The following GNPDA2 variants were observed in gnomAD, a reference collection of about 807,000 sequenced individuals.
The protein encoded by GNPDA2 is glucosamine-6-phosphate deaminase 2, also known as glcN6P deaminase 2.
A neutral mutation model predicts 27.0 loss-of-function variants in GNPDA2; 24 were observed. That is an observed-to-expected ratio of 0.89 (90% CI 0.64 to 1.25). The LOEUF (loss-of-function observed/expected upper bound fraction) is 1.25. Among genes scored for constraint, GNPDA2 ranks in the 50% most tolerant of loss-of-function variants. GNPDA2 has a pLI of 0.00. For synonymous variants in GNPDA2, 94 were observed against 108.4 expected (o/e 0.87, Z 0.83); for missense variants, 286 against 335.1 (o/e 0.85, Z 1.14).
chr4:44,723,176 A>G (rs985008334), intron 1 of GNPDA2, among the ~76,000 whole-genome samples: 1 of 152,206 alleles, frequency 6.6e-6, no homozygotes, highest in African/African-American at 2.4e-5. Flanking sequence ...GACTTATACC[A>G]TGAAAGATGT....
At chr4:44,710,835 A>G (rs1237647594) in intron 5 of GNPDA2, 118 bp downstream of exon 5, 7 of 868,862 alleles carry the variant, frequency 8.1e-6, no homozygotes, top group African/African-American at 1.8e-5. Flanking sequence ...AAACTAGAAA[A>G]CAATTTATAC....
rs199631133 is a variant in GNPDA2, at chr4:44,711,211, C to CA, written c.410-75dup. 1.3e-3 allele frequency: 1,068 copies of CA among 854,226 alleles called. 1 individual carries two copies. The highest frequency in any genetic ancestry group is 5.3e-3 in the African/African-American group (287 of 54,412). The allele number at this position is 854,226 out of a possible 1,614,324, so 52.9% of individuals were successfully genotyped here. On this transcript the variant is annotated intron_variant, in intron 4 of 6. Transcript: ENST00000295448. ...ACAAAGTTCAATGTGCGTTAAAGAA[C>CA]AAAAAAAAAATCACCTTGTTTTATT...
intron 2 of GNPDA2, among the ~76,000 whole-genome samples, chr4:44,721,090 G>C (rs757815666): frequency 1.3e-5 from 2 of 151,148 alleles, no homozygotes; most frequent in South Asian, 4.2e-4. Context: ...TTCTCACCAA[G>C]ATCTACTGCC....
intron 6 of GNPDA2, chr4:44,705,239 CAATG>C (rs1716518355): frequency 2.0e-6 from 2 of 980,498 alleles, no homozygotes; most frequent in African/African-American, 3.5e-5. Flanking sequence ...ACTAGTAACT[CAATG>C]GAGGTATGAA....
chr4:44,720,655 G>A (rs1006059798), intron 2 of GNPDA2, among the ~76,000 whole-genome samples: 11 of 152,046 alleles, frequency 7.2e-5, no homozygotes, highest in Admixed American at 3.3e-4. Flanking sequence ...AGCAATTACC[G>A]ACATGTATGT....
chr4:44,704,804 G>A, intron 6 of GNPDA2: 1 of 982,628 alleles, frequency 1.0e-6, no homozygotes, highest in Non-Finnish European at 1.2e-6. Context: ...GACTCAAAAT[G>A]AACTCATTCT....
chr4:44,711,115 G>A lies in GNPDA2; in HGVS notation c.432C>T (p.Ile144=), dbSNP rs760459113. The part of the protein sequence containing the change: ...FVGGIGPDGH[I]AFNEPGSSLV... ...AACTGGATCCAGGCTCATTGAAAGC[G>A]ATATGACCATCTGGACCAATTCCTT... The change falls in exon 5 of 7, where the codon ATC becomes ATT. Residue 144 remains isoleucine, a synonymous_variant. Transcript: ENST00000295448. 1.2e-5 allele frequency: 19 copies of A among 1,602,128 alleles called. No homozygotes were observed. Among genetic ancestry groups the A allele is most frequent in the East Asian group, 2.3e-5 (1 of 44,200 alleles).
At position 44,726,462 on chromosome 4, in the gene GNPDA2, C is replaced by G. The variant is rs145396969; in HGVS notation, c.-36+12G>C. The G allele has an allele frequency of 2.0e-5, 3 of 152,492 alleles. No homozygotes were observed. Among genetic ancestry groups the G allele is most frequent in the South Asian group, 2.1e-4 (1 of 4,834 alleles). 9.4% of individuals were successfully genotyped at this position (152,492 alleles called of 1,614,324 possible). A position where few individuals can be genotyped will look rare whatever the true frequency, so the allele number is the denominator to read the frequency against. Reference sequence around the variant, plus strand: ...TTCTTGGCGCCCCCGCCGCACCCCCCGCTAAACTTACCGGCAGACCCAATG... The same window carrying G: ...TTCTTGGCGCCCCCGCCGCACCCCCGGCTAAACTTACCGGCAGACCCAATG... On this transcript the variant is annotated intron_variant, in intron 1 of 6. Coordinates refer to ENST00000295448, the MANE Select transcript of GNPDA2 (RefSeq NM_138335.3).
intron 2 of GNPDA2, among the ~76,000 whole-genome samples, chr4:44,720,821 A>G (rs1184537290): frequency 6.6e-6 from 1 of 152,170 alleles, no homozygotes; most frequent in Non-Finnish European, 1.5e-5. Context: ...CAAACGTTGT[A>G]GATCTAAATA....
At chr4:44,720,129 A>G (rs1455986213) in intron 2 of GNPDA2, among the ~76,000 whole-genome samples, 1 of 152,140 alleles carries the variant, frequency 6.6e-6, no homozygotes, top group Non-Finnish European at 1.5e-5. Context: ...CAGAGCAGAG[A>G]AAAGATGGAG....
intron 4 of GNPDA2, among the ~76,000 whole-genome samples, chr4:44,713,708 C>T (rs1717108873): frequency 6.6e-6 from 1 of 152,052 alleles, no homozygotes; most frequent in Non-Finnish European, 1.5e-5. Context: ...GGCAAAACCC[C>T]ATCTCCACTA....
rs897526794 is a variant in GNPDA2, at chr4:44,711,826, T to C, written c.410-689A>G. Among the ~76,000 whole-genome samples, 711 of 118,256 alleles carry C rather than the reference T, an allele frequency of 6.0e-3. 5 individuals are homozygous for C. Among genetic ancestry groups the C allele is most frequent in the Non-Finnish European group, 9.3e-3 (459 of 49,500 alleles). The allele number at this position is 118,256 out of a possible 152,430, so 77.6% of individuals were successfully genotyped here. A position where few individuals can be genotyped will look rare whatever the true frequency, so the allele number is the denominator to read the frequency against. On this transcript the variant is annotated intron_variant, in intron 4 of 6. Transcript: ENST00000295448. ...GCAATCTAGTATATATATATATATATATACACATATACAACACAAACATAT... is the reference window on the plus strand; with the variant it reads ...GCAATCTAGTATATATATATATATACATACACATATACAACACAAACATAT...
intron 4 of GNPDA2, among the ~76,000 whole-genome samples, chr4:44,716,209 C>G (rs1717272061): frequency 6.6e-6 from 1 of 151,926 alleles, no homozygotes; most frequent in Admixed American, 6.6e-5. Context: ...CAATGATAAT[C>G]AACTATCTCA....
chr4:44,707,780 T>G lies in GNPDA2; in HGVS notation c.741A>C (p.Leu247Phe). 1 of 1,613,214 alleles carries G rather than the reference T, an allele frequency of 6.2e-7. No individual in the cohort carries two copies. Among genetic ancestry groups the G allele is most frequent in the Non-Finnish European group, 8.5e-7 (1 of 1,179,574 alleles). ...FVCDEDATLE[L>F]RVKTVKYFKG... ...TAAAGTATTTCACAGTTTTAACTCT[T>G]AATTCTAAAGTAGCATCTTCATCGC... is the stretch of plus-strand genomic sequence containing the variant. The change falls in exon 6 of 7, where the codon TTA becomes TTC. Residue 247 changes from leucine (L) to phenylalanine (F), a missense_variant. By Grantham distance (22) the Leu-to-Phe change is conservative. Coordinates refer to ENST00000295448, the MANE Select transcript of GNPDA2 (RefSeq NM_138335.3).
rs564474770 is a variant in GNPDA2, at chr4:44,712,254, T to A, written c.410-1117A>T. 2.0e-5 allele frequency among the ~76,000 whole-genome samples: 3 copies of A among 152,244 alleles called. No homozygotes were observed. The East Asian group carries it at 5.8e-4, about 29-fold the overall frequency. On this transcript the variant is annotated intron_variant, in intron 4 of 6. Transcript: ENST00000295448. ...GCCAATTCCTTGAGTCATTAAAATA[T>A]CTTTTACATTTATATTCTGCATATT...
chr4:44,725,659 A>C (rs933993867), intron 1 of GNPDA2, among the ~76,000 whole-genome samples: 3 of 152,220 alleles, frequency 2.0e-5, no homozygotes, highest in African/African-American at 7.2e-5. Context: ...CACCCAGAGC[A>C]AAGAAGAATT....
At chr4:44,705,349 C>G in intron 6 of GNPDA2, 3 of 984,996 alleles carry the variant, frequency 3.0e-6, no homozygotes, top group Non-Finnish European at 3.6e-6. Context: ...ATATGTAGCC[C>G]AGAATGTCTA....
intron 1 of GNPDA2, 74 bp downstream of exon 1, chr4:44,726,400 G>C (rs562950962): frequency 6.6e-6 from 1 of 152,462 alleles, no homozygotes; most frequent in South Asian, 2.1e-4. Flanking sequence ...GGCCGCACAG[G>C]GCGAAGTTGC....
Position 44,701,951 on chromosome 4 carries a change from T to G in GNPDA2, c.*1130A>C, listed in dbSNP as rs1716292239. ...CATAGACAAGCAGATAAGTAAGGCTTCTTCTACCAGGTGGGCTTATGAAAT... is the reference window on the plus strand; with the variant it reads ...CATAGACAAGCAGATAAGTAAGGCTGCTTCTACCAGGTGGGCTTATGAAAT... On this transcript the variant is annotated 3_prime_UTR_variant, in exon 7 of 7. Coordinates refer to ENST00000295448, the MANE Select transcript of GNPDA2 (RefSeq NM_138335.3). 7 of 984,922 alleles carry G rather than the reference T, an allele frequency of 7.1e-6. No individual in the cohort carries two copies. Among genetic ancestry groups the G allele is most frequent in the Non-Finnish European group, 8.4e-6 (7 of 829,568 alleles). The allele number at this position is 984,922 out of a possible 1,614,324, so 61.0% of individuals were successfully genotyped here. A position where few individuals can be genotyped will look rare whatever the true frequency, so the allele number is the denominator to read the frequency against.
Sources: allele counts gnomAD v4.1 joint callset (sites outside exome capture counted in the v4.1 genomes callset), GRCh38; gene constraint gnomAD v4.1.1; transcripts MANE v1.5; gene names NCBI Gene and HGNC (gene_info 2026-07-23, HGNC 2026-07-21).